The following ADAMTS12 variants were observed in gnomAD, a reference collection of about 807,000 sequenced individuals.
ADAMTS12 encodes ADAM metallopeptidase with thrombospondin type 1 motif 12.
A neutral mutation model predicts 167.8 loss-of-function variants in ADAMTS12; 118 were observed. The observed-to-expected ratio is 0.70, with a 90% confidence interval of 0.61 to 0.82. The LOEUF is 0.82. Ranked by LOEUF, ADAMTS12 falls within the 40% of genes least tolerant of loss-of-function variation. ADAMTS12 has a pLI of 0.00. For synonymous variants in ADAMTS12, 704 were observed against 716.9 expected (o/e 0.98, Z 0.29); for missense variants, 1,916 against 1,998.8 (o/e 0.96, Z 0.79).
chr5:33,806,807 T>C (rs1747253197), intron 2 of ADAMTS12, among the ~76,000 whole-genome samples: 1 of 152,212 alleles, frequency 6.6e-6, no homozygotes, highest in South Asian at 2.1e-4. Flanking sequence ...TTTATCCTGT[T>C]CACTTTATCT....
chr5:33,601,106 A>AGTGTGTGTGTGTGTGTGTGTGTGT (rs55841502), intron 16 of ADAMTS12, among the ~76,000 whole-genome samples: 3 of 145,922 alleles, frequency 2.1e-5, no homozygotes, highest in African/African-American at 7.6e-5. Context: ...CACATTTAAG[A>AGTGTGTGTGTGTGTGTGTGTGTGT]GTGTGTGTGT....
chr5:33,784,679 G>A lies in ADAMTS12; in HGVS notation c.490-33131C>T, dbSNP rs547078884. Among the ~76,000 whole-genome samples the A allele has an allele frequency of 1.9e-4, 29 of 151,874 alleles. 1 individual carries two copies. In the South Asian group the frequency reaches 3.3e-3, roughly 17 times the overall value. On this transcript the variant is annotated intron_variant, in intron 2 of 23. Coordinates refer to ENST00000504830, the MANE Select transcript of ADAMTS12 (RefSeq NM_030955.4). ...ATCCTGAAATGTACAAAACATTACC[G>A]AGATCAACTAAAGAATTTCTAAATA...
At position 33,574,433 on chromosome 5, in the gene ADAMTS12, T is replaced by G. The variant is rs549477041; in HGVS notation, c.3972+1621A>C. Among the ~76,000 whole-genome samples the G allele has an allele frequency of 3.0e-4, 45 of 152,308 alleles. 1 individual carries two copies. In the South Asian group the frequency reaches 3.1e-3, roughly 11 times the overall value. ...TACGCAGTCATAAAAAATGATGAGTTCATGTCCTTTGTAGGGACATGGATG... is the reference window on the plus strand; with the variant it reads ...TACGCAGTCATAAAAAATGATGAGTGCATGTCCTTTGTAGGGACATGGATG... On this transcript the variant is annotated intron_variant, in intron 19 of 23. Coordinates refer to ENST00000504830, the MANE Select transcript of ADAMTS12 (RefSeq NM_030955.4).
intron 2 of ADAMTS12, among the ~76,000 whole-genome samples, chr5:33,791,860 C>G (rs931182000): frequency 7.1e-6 from 1 of 140,806 alleles, no homozygotes; most frequent in East Asian, 2.3e-4. Flanking sequence ...CCAAGCCTAA[C>G]TCAGATCCTA....
chr5:33,678,214 A>G (rs1741988128), intron 5 of ADAMTS12, among the ~76,000 whole-genome samples: 1 of 152,206 alleles, frequency 6.6e-6, no homozygotes, highest in African/African-American at 2.4e-5. Flanking sequence ...ATTAGATCCA[A>G]AGTCCTTATG....
chr5:33,642,437 A>G (rs1740496946), intron 10 of ADAMTS12, among the ~76,000 whole-genome samples: 1 of 152,178 alleles, frequency 6.6e-6, no homozygotes, highest in Non-Finnish European at 1.5e-5. Context: ...TGCAACAGAG[A>G]ACTCATCCGC....
chr5:33,798,434 CTTTTTT>C (rs3037113), intron 2 of ADAMTS12, among the ~76,000 whole-genome samples: 2 of 69,274 alleles, frequency 2.9e-5, no homozygotes, highest in African/African-American at 6.1e-5. Flanking sequence ...TTCTTTGTAT[CTTTTTT>C]TTTTTTTTTT....
chr5:33,600,729 T>C (rs1397911779), intron 16 of ADAMTS12, among the ~76,000 whole-genome samples: 1 of 152,190 alleles, frequency 6.6e-6, no homozygotes, highest in Non-Finnish European at 1.5e-5. Flanking sequence ...ACAAGTTAAA[T>C]TGCACATTAG....
chr5:33,779,337 C>T (rs1326529732), intron 2 of ADAMTS12, among the ~76,000 whole-genome samples: 1 of 152,048 alleles, frequency 6.6e-6, no homozygotes, highest in Admixed American at 6.6e-5. Context: ...AGGTGCCTGC[C>T]ACCATGCCCA....
rs567313480 is a variant in ADAMTS12, at chr5:33,609,397, T to C, written c.2527+4841A>G. On this transcript the variant is annotated intron_variant, in intron 16 of 23. Transcript: ENST00000504830. ...TTTTTTTTTTTTTTTTGGAGAGAGG[T>C]TCTCACTCTGTTGCCCAGGCTGGAG... Among the ~76,000 whole-genome samples, 344 of 148,686 alleles carry C rather than the reference T, an allele frequency of 2.3e-3. 1 individual carries two copies. Among genetic ancestry groups the C allele is most frequent in the African/African-American group, 8.2e-3 (328 of 40,160 alleles).
chr5:33,768,680 G>A (rs1015574580), intron 2 of ADAMTS12, among the ~76,000 whole-genome samples: 1 of 152,016 alleles, frequency 6.6e-6, no homozygotes, highest in East Asian at 1.9e-4. Flanking sequence ...GTGGGTTTTA[G>A]CTATAATTTA....
chr5:33,738,131 T>C (rs1021609717), intron 3 of ADAMTS12, among the ~76,000 whole-genome samples: 3 of 152,086 alleles, frequency 2.0e-5, no homozygotes, highest in Non-Finnish European at 4.4e-5. Flanking sequence ...TTCATCCCAA[T>C]ATAGGCACTA....
At chr5:33,548,702 G>GCACA (rs55980424) in intron 21 of ADAMTS12, among the ~76,000 whole-genome samples, 13,171 of 148,888 alleles carry the variant, frequency 0.088, 1,578 homozygotes, top group African/African-American at 0.28. Flanking sequence ...CATAAAGAGA[G>GCACA]CACACACACA....
chr5:33,814,293 T>C (rs1747569019), intron 2 of ADAMTS12, among the ~76,000 whole-genome samples: 1 of 152,216 alleles, frequency 6.6e-6, no homozygotes, highest in South Asian at 2.1e-4. Context: ...AGGTTGAGAT[T>C]TACTTTTTTT....
At chr5:33,842,674 G>T (rs1162561348) in intron 2 of ADAMTS12, among the ~76,000 whole-genome samples, 1 of 152,218 alleles carries the variant, frequency 6.6e-6, no homozygotes, top group African/African-American at 2.4e-5. Context: ...CAGGCATGGT[G>T]CCAGGCACTG....
chr5:33,600,172 T>A (rs1738117547), intron 16 of ADAMTS12, among the ~76,000 whole-genome samples: 1 of 152,202 alleles, frequency 6.6e-6, no homozygotes, highest in African/African-American at 2.4e-5. Context: ...GAGAACTAAA[T>A]TCAAAATGTT....
At chr5:33,535,925 A>G (rs1744381183) in intron 22 of ADAMTS12, among the ~76,000 whole-genome samples, 1 of 152,122 alleles carries the variant, frequency 6.6e-6, no homozygotes. Context: ...CTCTGTGCCT[A>G]GCTGGACCAG....
chr5:33,794,705 T>C (rs1474181698), intron 2 of ADAMTS12, among the ~76,000 whole-genome samples: 2 of 152,198 alleles, frequency 1.3e-5, no homozygotes, highest in African/African-American at 2.4e-5. Context: ...CCTGTTAAGA[T>C]GTGAATGTAT....
At chr5:33,669,256 T>C (rs2112232874) in intron 5 of ADAMTS12, among the ~76,000 whole-genome samples, 1 of 152,354 alleles carries the variant, frequency 6.6e-6, no homozygotes, top group East Asian at 1.9e-4. Flanking sequence ...TTCTCCAGTC[T>C]TTCTCCTGTT....
Sources: allele counts gnomAD v4.1 joint callset (sites outside exome capture counted in the v4.1 genomes callset), GRCh38; gene constraint gnomAD v4.1.1; transcripts MANE v1.5; gene names NCBI Gene and HGNC (gene_info 2026-07-23, HGNC 2026-07-21).